The following PARD3 variants were observed in gnomAD, a reference collection of about 807,000 sequenced individuals.
PARD3 encodes par-3 family cell polarity regulator.
In PARD3, 75 loss-of-function variants were observed where a neutral mutation model predicts 155.4. That is an observed-to-expected ratio of 0.48 (90% CI 0.40 to 0.58). The LOEUF is 0.58. Ranked by LOEUF, PARD3 falls within the 20% of genes least tolerant of loss-of-function variation. PARD3 has a pLI of 0.00. For missense variants in PARD3, 1,642 were observed against 1,721.7 expected (o/e 0.95, Z 0.82); for synonymous variants, 576 against 610.5 (o/e 0.94, Z 0.83).
intron 3 of PARD3, among the ~76,000 whole-genome samples, chr10:34,473,578 A>T (rs1193216743): frequency 1.3e-5 from 2 of 152,104 alleles, no homozygotes; most frequent in African/African-American, 4.8e-5. Context: ...CTGTAGTCCT[A>T]GTGTAGGAGG....
chr10:34,312,711 C>A (rs1341730421), intron 20 of PARD3, among the ~76,000 whole-genome samples: 1 of 152,158 alleles, frequency 6.6e-6, no homozygotes, highest in Non-Finnish European at 1.5e-5. Context: ...TGCAACATTT[C>A]TTTTGCTTTA....
chr10:34,362,042 C>T (rs916884670), intron 12 of PARD3, among the ~76,000 whole-genome samples: 7 of 152,128 alleles, frequency 4.6e-5, no homozygotes, highest in Non-Finnish European at 1.0e-4. Flanking sequence ...CTTTGGGAGG[C>T]CGACGCAGGT....
chr10:34,703,703 G>GA (rs1164885081), intron 1 of PARD3, among the ~76,000 whole-genome samples: 1 of 152,052 alleles, frequency 6.6e-6, no homozygotes, highest in East Asian at 1.9e-4. Flanking sequence ...GAACACAGAA[G>GA]AAAAACAGAA....
At position 34,360,059 on chromosome 10, in the gene PARD3, G is replaced by A; in HGVS notation, c.1896+12C>T. The A allele has an allele frequency of 1.9e-6, 3 of 1,608,374 alleles. No homozygotes were observed. Among genetic ancestry groups the A allele is most frequent in the Non-Finnish European group, 2.6e-6 (3 of 1,175,008 alleles). On this transcript the variant is annotated intron_variant, in intron 13 of 24. Transcript: ENST00000374788. ...TGTTAATAGGCATACGCATGATAAA[G>A]TTGACACTCACTTTAGATGCTGCTC...
intron 2 of PARD3, among the ~76,000 whole-genome samples, chr10:34,520,280 A>C (rs2082064953): frequency 6.6e-6 from 1 of 152,212 alleles, no homozygotes; most frequent in Non-Finnish European, 1.5e-5. Context: ...TGACGTATAG[A>C]TAGAATCAGC....
chr10:34,261,613 CA>C (rs1954964135), intron 22 of PARD3, among the ~76,000 whole-genome samples: 1 of 151,830 alleles, frequency 6.6e-6, no homozygotes, highest in Non-Finnish European at 1.5e-5. Flanking sequence ...TGCTTGAACC[CA>C]GGAGGCTGAG....
In PARD3 at chr10:34,599,621, T is replaced by C. The variant is rs1291444353; in HGVS notation, c.223-82462A>G. Among the ~76,000 whole-genome samples the C allele has an allele frequency of 1.5e-4, 23 of 152,234 alleles. 1 individual carries two copies. The highest frequency in any genetic ancestry group is 1.5e-3 in the Admixed American group (23 of 15,290). ...TACTTTATGACCTCATTCAAATTAA[T>C]GTCAGGAAAAAAATAGCCAACAACT... On this transcript the variant is annotated intron_variant, in intron 2 of 24. Transcript: ENST00000374788.
intron 2 of PARD3, among the ~76,000 whole-genome samples, chr10:34,690,749 T>A (rs577838065): frequency 6.6e-6 from 1 of 152,248 alleles, no homozygotes; most frequent in African/African-American, 2.4e-5. Context: ...AGGGAAAACC[T>A]GCGTCTGTAA....
At chr10:34,137,073 A>T (rs1304620908) in intron 22 of PARD3, among the ~76,000 whole-genome samples, 1 of 152,158 alleles carries the variant, frequency 6.6e-6, no homozygotes. Context: ...CTACCCTTGA[A>T]TGTGGACAGA....
At chr10:34,728,572 G>C (rs1299702208) in intron 1 of PARD3, among the ~76,000 whole-genome samples, 1 of 152,190 alleles carries the variant, frequency 6.6e-6, no homozygotes, top group African/African-American at 2.4e-5. Flanking sequence ...ACTTGTGTTT[G>C]TCCTAATGCT....
intron 15 of PARD3, chr10:34,346,456 T>C (rs765901828): frequency 2.3e-5 from 31 of 1,349,038 alleles, no homozygotes; most frequent in Admixed American, 6.0e-5. Flanking sequence ...GTTCCTATAA[T>C]AAAGGGGAAA....
At chr10:34,367,561 G>A (rs1381559753) in intron 12 of PARD3, among the ~76,000 whole-genome samples, 1 of 152,000 alleles carries the variant, frequency 6.6e-6, no homozygotes, top group East Asian at 2.0e-4. Flanking sequence ...AAAATTAGCT[G>A]TGTGTGTTGG....
intron 3 of PARD3, among the ~76,000 whole-genome samples, chr10:34,505,192 T>C (rs990992581): frequency 6.6e-6 from 1 of 152,228 alleles, no homozygotes; most frequent in Non-Finnish European, 1.5e-5. Context: ...TTTCTTAACA[T>C]ATTCACAGCT....
At chr10:34,476,187 G>C (rs907988187) in intron 3 of PARD3, among the ~76,000 whole-genome samples, 2 of 152,302 alleles carry the variant, frequency 1.3e-5, no homozygotes, top group East Asian at 1.9e-4. Context: ...TTGGAGAAGT[G>C]TTTTATGCCG....
intron 2 of PARD3, among the ~76,000 whole-genome samples, chr10:34,562,338 G>A (rs2085561752): frequency 6.6e-6 from 1 of 151,962 alleles, no homozygotes; most frequent in Non-Finnish European, 1.5e-5. Context: ...TCAGGAGGCT[G>A]AGGCAGGAGA....
At chr10:34,185,921 A>T (rs1778884) in intron 22 of PARD3, among the ~76,000 whole-genome samples, 43,657 of 151,362 alleles carry the variant, frequency 0.29, 7,207 homozygotes, top group African/African-American at 0.45. Flanking sequence ...AGTGCTTTAA[A>T]ATGTGCCTCC....
At chr10:34,352,143 T>C (rs1198501534) in intron 14 of PARD3, among the ~76,000 whole-genome samples, 1 of 152,250 alleles carries the variant, frequency 6.6e-6, no homozygotes, top group Non-Finnish European at 1.5e-5. Flanking sequence ...GCCTGGAAGC[T>C]ATGTTAAATT....
intron 1 of PARD3, among the ~76,000 whole-genome samples, chr10:34,734,987 G>GA (rs1554822503): frequency 0.012 from 1,618 of 131,844 alleles, 26 homozygotes; most frequent in African/African-American, 0.037. Context: ...GGGCTTATGG[G>GA]AAAAAAAAAA....
Position 34,384,266 on chromosome 10 carries a change from A to G in PARD3, c.891-12T>C. On this transcript the variant is annotated splice_polypyrimidine_tract_variant and intron_variant, in intron 7 of 24. Coordinates refer to ENST00000374788, the MANE Select transcript of PARD3 (RefSeq NM_001184785.2). Reference sequence around the variant, plus strand: ...ATAACCCCAGGGTTCTGGAACATTAAGAATGCAAATGATTACACATGTAAT... The same window carrying G: ...ATAACCCCAGGGTTCTGGAACATTAGGAATGCAAATGATTACACATGTAAT... 1 of 1,611,232 alleles carries G rather than the reference A, an allele frequency of 6.2e-7. No homozygotes were observed. The highest frequency in any genetic ancestry group is 1.1e-5 in the South Asian group (1 of 90,816).
Sources: gnomAD v4.1 joint callset for allele counts (sites outside exome capture counted in the v4.1 genomes callset) on GRCh38, gnomAD v4.1.1 for gene constraint, MANE v1.5 for transcripts, NCBI Gene and HGNC (gene_info 2026-07-23, HGNC 2026-07-21) for gene names.